Variants in MED12L observed in about 807,000 individuals in gnomAD.
MED12L encodes the protein mediator of RNA polymerase II transcription subunit 12-like protein.
A neutral mutation model predicts 281.3 loss-of-function variants in MED12L; 60 were observed. That is an observed-to-expected ratio of 0.21 (90% CI 0.17 to 0.26). The LOEUF is 0.26. Ranked by LOEUF, MED12L falls within the 10% of genes least tolerant of loss-of-function variation. The pLI is 1.00. For missense variants in MED12L, 2,146 were observed against 2,680.9 expected (o/e 0.80, Z 4.41); for synonymous variants, 974 against 987.2 (o/e 0.99, Z 0.25).
intron 42 of MED12L, 41 bp downstream of exon 42, chr3:151,413,336 G>A: frequency 6.3e-7 from 1 of 1,590,348 alleles, no homozygotes; most frequent in Non-Finnish European, 8.6e-7. Flanking sequence ...TCACCCTTCA[G>A]ACAGTGCAAA....
Position 151,193,596 on chromosome 3 carries a change from A to C in MED12L, c.2180A>C (p.Glu727Ala). Residue 727 changes from glutamate (E) to alanine (A), a missense_variant, in exon 16 of 45, where the codon GAA (glutamate) becomes GCA (alanine). This residue lies in a region of MED12L where 722 missense variants were observed against 861.2 expected (regional missense o/e 0.84). Coordinates refer to ENST00000687756, the MANE Select transcript of MED12L (RefSeq NM_001393769.1). ...EKLVKREKPRELIFPSNYDLL... is the reference protein window; with the variant it reads ...EKLVKREKPRALIFPSNYDLL... Reference sequence around the variant, plus strand: ...TTGGTGAAGAGGGAAAAGCCAAGGGAATTAATTTTTCCATCTAATTATGAC... The same window carrying C: ...TTGGTGAAGAGGGAAAAGCCAAGGGCATTAATTTTTCCATCTAATTATGAC... 1 of 1,614,026 alleles carries C rather than the reference A, an allele frequency of 6.2e-7. No individual in the cohort carries two copies. Among genetic ancestry groups the C allele is most frequent in the Non-Finnish European group, 8.5e-7 (1 of 1,179,908 alleles).
chr3:151,146,326 G>T (rs1300441207), intron 5 of MED12L, among the ~76,000 whole-genome samples: 1 of 152,142 alleles, frequency 6.6e-6, no homozygotes, highest in African/African-American at 2.4e-5. Flanking sequence ...CCATTTCTGT[G>T]TGTGGAACTC....
intron 16 of MED12L, among the ~76,000 whole-genome samples, chr3:151,266,337 C>T (rs1018103575): frequency 3.3e-5 from 5 of 152,170 alleles, no homozygotes; most frequent in Non-Finnish European, 7.3e-5. Flanking sequence ...AACCCTATCA[C>T]TGCATGTGTC....
intron 16 of MED12L, among the ~76,000 whole-genome samples, chr3:151,239,374 A>G (rs757979164): frequency 3.9e-5 from 6 of 152,200 alleles, no homozygotes; most frequent in Non-Finnish European, 7.3e-5. Flanking sequence ...CCAGAAGGCC[A>G]TTATTTATCT....
At chr3:151,268,927 G>A (rs945834203) in intron 16 of MED12L, among the ~76,000 whole-genome samples, 4 of 152,168 alleles carry the variant, frequency 2.6e-5, no homozygotes, top group Non-Finnish European at 1.5e-5. Context: ...AAAAAATTAA[G>A]TTTTCTGAGC....
chr3:151,379,996 T>G (rs1287170354), intron 31 of MED12L, 117 bp from the exon 32 acceptor site: 2 of 629,736 alleles, frequency 3.2e-6, no homozygotes, highest in Non-Finnish European at 5.4e-6. Context: ...CAAGCAGTCT[T>G]TGGCTATTTA....
In MED12L at chr3:151,350,268, T is replaced by C. The variant is rs1338730848; in HGVS notation, c.2398+62T>C. 7 of 1,545,170 alleles carry C rather than the reference T, an allele frequency of 4.5e-6. 1 individual carries two copies. In the East Asian group the frequency reaches 1.6e-4, roughly 35 times the overall value. On this transcript the variant is annotated intron_variant, in intron 17 of 44. Coordinates refer to ENST00000687756, the MANE Select transcript of MED12L (RefSeq NM_001393769.1). The stretch of plus-strand genomic sequence containing the variant: ...CCTTTTGCCTTCCCTCTGAGCACAG[T>C]CTTTATCAAAGTGTTCTATGTCACT...
intron 16 of MED12L, among the ~76,000 whole-genome samples, chr3:151,242,120 C>G (rs1384410054): frequency 6.6e-6 from 1 of 152,168 alleles, no homozygotes; most frequent in African/African-American, 2.4e-5. Flanking sequence ...CTCGGAGGGT[C>G]CTACGCCCAT....
intron 16 of MED12L, among the ~76,000 whole-genome samples, chr3:151,229,593 C>T (rs905801888): frequency 6.6e-6 from 1 of 151,024 alleles, no homozygotes; most frequent in African/African-American, 2.4e-5. Context: ...ATTTTCCTGC[C>T]TCAGCCTCCC....
Position 151,338,486 on chromosome 3 carries a change from G to A in MED12L, c.2251-11573G>A, listed in dbSNP as rs573525185. On this transcript the variant is annotated intron_variant, in intron 16 of 44. Transcript: ENST00000687756. ...GCCTGGTGGTCTTCTGGTAGCGATCGATAGTTATCAGTCCCAGGAATGAAA... is the reference window on the plus strand; with the variant it reads ...GCCTGGTGGTCTTCTGGTAGCGATCAATAGTTATCAGTCCCAGGAATGAAA... 1.5e-5 allele frequency: 25 copies of A among 1,613,868 alleles called. No homozygotes were observed. In the East Asian group the frequency reaches 2.2e-4, roughly 14 times the overall value.
chr3:151,257,010 A>G (rs74880506), intron 16 of MED12L, among the ~76,000 whole-genome samples: 1 of 152,274 alleles, frequency 6.6e-6, no homozygotes, highest in Non-Finnish European at 1.5e-5. Context: ...ACCCTGTATT[A>G]GAAGCACATG....
chr3:151,288,350 G>A (rs540900655), intron 16 of MED12L, among the ~76,000 whole-genome samples: 53 of 152,300 alleles, frequency 3.5e-4, no homozygotes, highest in African/African-American at 1.2e-3. Flanking sequence ...ACATATAAAT[G>A]TATTTTTTCT....
rs1364652104 is a variant in MED12L at position 151,085,844 on chromosome 3, C to G, written c.-222C>G. 2 of 152,036 alleles carry G rather than the reference C, an allele frequency of 1.3e-5. No homozygotes were observed. The highest frequency in any genetic ancestry group is 4.8e-5 in the African/African-American group (2 of 41,430). The allele number at this position is 152,036 out of a possible 1,614,324, so 9.4% of individuals were successfully genotyped here. ...GATACCGCACAAATAAAATCAAATC[C>G]AAGTCCCCCATCCCAACCCGAATGA... is the stretch of plus-strand genomic sequence containing the variant. On this transcript the variant is annotated 5_prime_UTR_variant, in exon 1 of 45. Transcript: ENST00000687756.
At position 151,388,158 on chromosome 3, in the gene MED12L, A is replaced by G; in HGVS notation, c.5437A>G (p.Ser1813Gly). ...TKGRKRKTKS[S>G]SRVDEYPQSN... ...AGGAAGGAAGCGCAAGACGAAATCT[A>G]GCTCAAGAGTTGATGTAAGTGGGGA... is the stretch of plus-strand genomic sequence containing the variant. The change falls in exon 37 of 45, where the codon AGC (serine) becomes GGC (glycine). Residue 1813 changes from serine (S) to glycine (G), a missense_variant. Transcript: ENST00000687756. 1 of 1,600,458 alleles carries G rather than the reference A, an allele frequency of 6.2e-7. No individual in the cohort carries two copies. Among genetic ancestry groups the G allele is most frequent in the African/African-American group, 1.3e-5 (1 of 74,722 alleles).
intron 15 of MED12L, among the ~76,000 whole-genome samples, 175 bp downstream of exon 15, chr3:151,192,829 G>C (rs1176942171): frequency 1.3e-5 from 2 of 152,106 alleles, no homozygotes; most frequent in East Asian, 3.8e-4. Context: ...CTCAGTTTTG[G>C]TTGCATGGCC....
intron 16 of MED12L, among the ~76,000 whole-genome samples, chr3:151,346,208 T>A (rs1752517797): frequency 6.6e-6 from 1 of 152,208 alleles, no homozygotes; most frequent in Admixed American, 6.5e-5. Flanking sequence ...AGTAGAAAGA[T>A]GTTCCTTTCT....
intron 15 of MED12L, among the ~76,000 whole-genome samples, 188 bp downstream of exon 15, chr3:151,192,842 C>T (rs1332896232): frequency 2.6e-5 from 4 of 152,160 alleles, no homozygotes. Context: ...GCATGGCCTA[C>T]TCTGTAAATT....
intron 27 of MED12L, among the ~76,000 whole-genome samples, chr3:151,373,794 C>T (rs780410073): frequency 5.3e-5 from 8 of 152,044 alleles, no homozygotes; most frequent in Non-Finnish European, 1.5e-5. Flanking sequence ...GTTTCTGGCC[C>T]ATGTTGTACT....
At chr3:151,228,475 A>G (rs1730985345) in intron 16 of MED12L, among the ~76,000 whole-genome samples, 1 of 151,962 alleles carries the variant, frequency 6.6e-6, no homozygotes, top group Non-Finnish European at 1.5e-5. Flanking sequence ...CTTTAAGTTG[A>G]TTTAAGTTGA....
Sources: gnomAD v4.1 joint callset for allele counts (sites outside exome capture counted in the v4.1 genomes callset) on GRCh38, gnomAD v4.1.1 for gene constraint, gnomAD v4.1.1 regional missense constraint, MANE v1.5 for transcripts, NCBI Gene and HGNC (gene_info 2026-07-23, HGNC 2026-07-21) for gene names.